Variants in TTC39C observed in about 807,000 individuals in gnomAD.
The protein encoded by TTC39C is tetratricopeptide repeat domain 39C.
TTC39C carries 33 observed loss-of-function variants against 76.3 expected under a neutral mutation model. The observed-to-expected ratio is 0.43, with a 90% CI of 0.33 to 0.58. The LOEUF is 0.58. Among genes scored for constraint, TTC39C ranks in the 20% least tolerant of loss-of-function variants. TTC39C has a pLI of 0.04. For missense variants in TTC39C, 595 were observed against 701.4 expected (o/e 0.85, Z 1.71); for synonymous variants, 254 against 260.6 (o/e 0.97, Z 0.24).
At chr18:24,038,907 T>G (rs1009770271) in intron 1 of TTC39C, among the ~76,000 whole-genome samples, 3 of 152,120 alleles carry the variant, frequency 2.0e-5, no homozygotes, top group Non-Finnish European at 4.4e-5. Flanking sequence ...CCAACCCTCC[T>G]GGATTAGGAC....
intron 8 of TTC39C, among the ~76,000 whole-genome samples, chr18:24,121,629 G>A (rs527773885): frequency 1.3e-5 from 2 of 152,198 alleles, no homozygotes; most frequent in East Asian, 1.9e-4. Context: ...GGTGGTGTTC[G>A]TTCTTCAGGG....
At chr18:24,131,618 A>G (rs2085130857) in intron 12 of TTC39C, among the ~76,000 whole-genome samples, 1 of 151,478 alleles carries the variant, frequency 6.6e-6, no homozygotes. Context: ...AGGCAGGAGA[A>G]TTGCTTGAAC....
At chr18:24,019,913 G>T in intron 1 of TTC39C, 2 of 1,523,890 alleles carry the variant, frequency 1.3e-6, no homozygotes, top group Non-Finnish European at 1.7e-6. Context: ...GAAACTCAAA[G>T]GCGCTTGTAA....
chr18:24,015,147 C>T (rs2083437870), intron 1 of TTC39C, 109 bp downstream of exon 1: 2 of 1,047,326 alleles, frequency 1.9e-6, no homozygotes, highest in Admixed American at 4.0e-5. Context: ...TGTCGGTCAC[C>T]GATTCCGGTC....
At chr18:23,999,560 G>A (rs965915528) in intron 1 of TTC39C, among the ~76,000 whole-genome samples, 6 of 152,224 alleles carry the variant, frequency 3.9e-5, no homozygotes, top group Non-Finnish European at 5.9e-5. Flanking sequence ...CTAGCCAGGG[G>A]GCAAGAAGCT....
upstream of TTC39C, among the ~76,000 whole-genome samples, chr18:24,011,524 T>G (rs1379205810): frequency 1.3e-5 from 2 of 152,184 alleles, no homozygotes; most frequent in African/African-American, 2.4e-5. Context: ...TGGGTCCTGG[T>G]TAGTGTTGAA....
intron 1 of TTC39C, among the ~76,000 whole-genome samples, chr18:24,042,389 C>T (rs1221402084): frequency 6.6e-6 from 1 of 152,166 alleles, no homozygotes; most frequent in Non-Finnish European, 1.5e-5. Flanking sequence ...GAAGTATACA[C>T]AACCTAGACC....
intron 6 of TTC39C, among the ~76,000 whole-genome samples, chr18:24,094,928 AC>A (rs1184069309): frequency 6.6e-6 from 1 of 152,222 alleles, no homozygotes; most frequent in Non-Finnish European, 1.5e-5. Context: ...GAAGAGAGTC[AC>A]CCTATCCTTT....
intron 12 of TTC39C, among the ~76,000 whole-genome samples, chr18:24,130,702 T>C (rs1288693596): frequency 6.6e-6 from 1 of 152,032 alleles, no homozygotes; most frequent in Non-Finnish European, 1.5e-5. Context: ...GCAAACATCA[T>C]AGAGTACTTA....
At chr18:24,095,102 TC>T (rs149931901) in intron 6 of TTC39C, among the ~76,000 whole-genome samples, 1,780 of 152,374 alleles carry the variant, frequency 0.012, 21 homozygotes, top group East Asian at 0.065. Flanking sequence ...CTATGGCTTC[TC>T]CATCAGCACT....
At chr18:24,024,018 T>TG (rs2083565426) in intron 1 of TTC39C, among the ~76,000 whole-genome samples, 1 of 37,566 alleles carries the variant, frequency 2.7e-5, no homozygotes, top group African/African-American at 1.1e-4. Flanking sequence ...ATATATATAT[T>TG]TTTTTTTTTT....
At chr18:24,113,281 G>A in intron 6 of TTC39C, 1 of 403,472 alleles carries the variant, frequency 2.5e-6, no homozygotes, top group South Asian at 3.7e-5. Flanking sequence ...GTGTTCCCGA[G>A]TCACAGGCTG....
chr18:24,105,994 G>A (rs1032453839), intron 6 of TTC39C, among the ~76,000 whole-genome samples: 5 of 152,098 alleles, frequency 3.3e-5, no homozygotes, highest in Non-Finnish European at 4.4e-5. Flanking sequence ...CTCCGCCTCC[G>A]CATGGTGTTC....
intron 1 of TTC39C, among the ~76,000 whole-genome samples, chr18:24,009,039 G>T (rs913175224): frequency 6.6e-6 from 1 of 152,174 alleles, no homozygotes; most frequent in African/African-American, 2.4e-5. Context: ...ACAGACGCCA[G>T]GGTCTGCTTG....
chr18:24,087,357 T>A (rs755533028), intron 6 of TTC39C, among the ~76,000 whole-genome samples: 1 of 152,232 alleles, frequency 6.6e-6, no homozygotes, highest in Non-Finnish European at 1.5e-5. Context: ...CTTTTTTCTC[T>A]TTCAGCTTTA....
At chr18:24,013,210 C>T (rs987988252), upstream of TTC39C, among the ~76,000 whole-genome samples, 1 of 152,196 alleles carries the variant, frequency 6.6e-6, no homozygotes, top group East Asian at 1.9e-4. Context: ...TGCATTACAA[C>T]GTACTGTTTC....
intron 5 of TTC39C, among the ~76,000 whole-genome samples, chr18:24,081,817 T>TTAATAGG (rs1489238640): frequency 6.6e-6 from 1 of 152,138 alleles, no homozygotes; most frequent in Non-Finnish European, 1.5e-5. Flanking sequence ...TTAATGTGAA[T>TTAATAGG]TAATAGGTTT....
At chr18:24,012,350 G>A (rs1197543462), upstream of TTC39C, among the ~76,000 whole-genome samples, 3 of 152,024 alleles carry the variant, frequency 2.0e-5, no homozygotes, top group Admixed American at 6.5e-5. Context: ...GGTGCTGGGC[G>A]GTTGCAGTGG....
At chr18:24,014,749 C>A, upstream of TTC39C, 2 of 1,131,260 alleles carry the variant, frequency 1.8e-6, no homozygotes, top group Non-Finnish European at 2.2e-6. Flanking sequence ...CTTCTCCCCT[C>A]CCCTCCCCTC....
Sources: gnomAD v4.1 joint callset for allele counts (sites outside exome capture counted in the v4.1 genomes callset) on GRCh38, gnomAD v4.1.1 for gene constraint, MANE v1.5 for transcripts, NCBI Gene and HGNC (gene_info 2026-07-23, HGNC 2026-07-21) for gene names.